The following KIF26B variants were observed in gnomAD, a reference collection of about 807,000 sequenced individuals.
The protein encoded by KIF26B is kinesin family member 26B.
In KIF26B, 63 loss-of-function variants were observed where a neutral mutation model predicts 151.2. The observed-to-expected ratio is 0.42, with a 90% CI of 0.34 to 0.51. KIF26B has a LOEUF of 0.51. Among genes scored for constraint, KIF26B ranks in the 20% least tolerant of loss-of-function variants. The pLI is 0.07. For missense variants in KIF26B, 2,813 were observed against 2,913.6 expected, an observed-to-expected ratio of 0.97 and a Z score of 0.79; for synonymous variants, 1,357 against 1,262.1, an observed-to-expected ratio of 1.08 and a Z score of -1.59.
intron 5 of KIF26B, among the ~76,000 whole-genome samples, chr1:245,559,560 C>T (rs139078373): frequency 0.029 from 4,430 of 151,994 alleles, 88 homozygotes; most frequent in South Asian, 0.05. Context: ...GACAGGCGCA[C>T]GCCCCCACAC....
chr1:245,388,169 C>G (rs1673598908), intron 3 of KIF26B, among the ~76,000 whole-genome samples: 1 of 151,912 alleles, frequency 6.6e-6, no homozygotes, highest in Non-Finnish European at 1.5e-5. Context: ...AAATTGATCT[C>G]ATTGGAGAAA....
At chr1:245,449,880 T>C (rs1159781100) in intron 4 of KIF26B, among the ~76,000 whole-genome samples, 1 of 152,258 alleles carries the variant, frequency 6.6e-6, no homozygotes, top group African/African-American at 2.4e-5. Context: ...TTTTACAGTC[T>C]GCTTGTTATC....
intron 3 of KIF26B, among the ~76,000 whole-genome samples, chr1:245,388,843 T>C (rs922068131): frequency 6.6e-6 from 1 of 152,322 alleles, no homozygotes; most frequent in South Asian, 2.1e-4. Context: ...CAAGGACTAT[T>C]TCAAGGAAAG....
At chr1:245,279,390 C>G (rs900334021) in intron 2 of KIF26B, among the ~76,000 whole-genome samples, 2 of 150,862 alleles carry the variant, frequency 1.3e-5, no homozygotes, top group Non-Finnish European at 2.9e-5. Flanking sequence ...TCACTAATGC[C>G]TTAAATTCCT....
At position 245,542,308 on chromosome 1, in the gene KIF26B, G is replaced by A. The variant is rs12069873; in HGVS notation, c.1350+1358G>A. ...TTAGAGGCTGCAGTGAGCAATGATC[G>A]TGCCACTGCACTCTAGCCTGGGCCA... is the stretch of plus-strand genomic sequence containing the variant. On this transcript the variant is annotated intron_variant, in intron 5 of 14. Coordinates refer to ENST00000407071, the MANE Select transcript of KIF26B (RefSeq NM_018012.4). 3.3e-3 allele frequency among the ~76,000 whole-genome samples: 496 copies of A among 152,368 alleles called. 2 individuals are homozygous for A. The highest frequency in any genetic ancestry group is 0.011 in the African/African-American group (452 of 41,594).
intron 9 of KIF26B, among the ~76,000 whole-genome samples, chr1:245,628,991 C>A (rs751192552): frequency 2.0e-5 from 3 of 152,164 alleles, no homozygotes; most frequent in Non-Finnish European, 4.4e-5. Context: ...AATGAACTCC[C>A]ATTCACCATC....
rs970959425 is a variant in KIF26B at position 245,193,980 on chromosome 1, T to C, written c.465+37297T>C. ...GACATGGACGCCAGAAAGTTTCTTT[T>C]TGCTGCTGACTGATCATTTATGAAC... On this transcript the variant is annotated intron_variant, in intron 2 of 14. Transcript: ENST00000407071. 3.3e-5 allele frequency among the ~76,000 whole-genome samples: 5 copies of C among 152,348 alleles called. No homozygotes were observed. The South Asian group carries it at 6.2e-4, about 19-fold the overall frequency.
At chr1:245,670,674 A>G (rs1347614753) in intron 10 of KIF26B, among the ~76,000 whole-genome samples, 2 of 152,170 alleles carry the variant, frequency 1.3e-5, no homozygotes, top group African/African-American at 2.4e-5. Flanking sequence ...TGTAAATATA[A>G]TGGAATATAC....
intron 2 of KIF26B, among the ~76,000 whole-genome samples, chr1:245,331,421 A>G (rs1274814959): frequency 2.0e-5 from 3 of 152,234 alleles, no homozygotes; most frequent in African/African-American, 7.2e-5. Context: ...GCAGTCGTCC[A>G]AGACTTTAAA....
At chr1:245,290,165 C>T (rs1451000447) in intron 2 of KIF26B, among the ~76,000 whole-genome samples, 1 of 137,182 alleles carries the variant, frequency 7.3e-6, no homozygotes, top group Non-Finnish European at 1.5e-5. Flanking sequence ...GGTGCTTAAT[C>T]AAACCTTTAT....
At chr1:245,576,873 G>A (rs890442937) in intron 5 of KIF26B, among the ~76,000 whole-genome samples, 3 of 152,098 alleles carry the variant, frequency 2.0e-5, no homozygotes, top group Admixed American at 6.5e-5. Context: ...TGAATGCCTT[G>A]TTGGATACCT....
chr1:245,464,867 G>A (rs764091487), intron 4 of KIF26B, among the ~76,000 whole-genome samples: 6 of 152,118 alleles, frequency 3.9e-5, no homozygotes, highest in Non-Finnish European at 7.4e-5. Context: ...AGTGAGCAGA[G>A]GGCAGCAGCT....
At chr1:245,311,459 C>G (rs762380780) in intron 2 of KIF26B, among the ~76,000 whole-genome samples, 1 of 151,988 alleles carries the variant, frequency 6.6e-6, no homozygotes, top group African/African-American at 2.4e-5. Context: ...TCACTGCAGC[C>G]GGGTATGGTG....
intron 3 of KIF26B, among the ~76,000 whole-genome samples, chr1:245,391,415 G>C (rs1332807820): frequency 6.6e-6 from 1 of 152,064 alleles, no homozygotes; most frequent in Non-Finnish European, 1.5e-5. Context: ...TCTTTATGAG[G>C]CTGGGTTTTC....
intron 4 of KIF26B, among the ~76,000 whole-genome samples, chr1:245,423,097 C>CAA (rs35659375): frequency 4.2e-3 from 322 of 77,494 alleles, no homozygotes; most frequent in African/African-American, 6.9e-3. Context: ...GACTCAGTCT[C>CAA]AAAAAAAAAA....
intron 9 of KIF26B, among the ~76,000 whole-genome samples, chr1:245,628,676 T>A (rs569089935): frequency 6.6e-6 from 1 of 152,252 alleles, no homozygotes; most frequent in Admixed American, 6.5e-5. Flanking sequence ...AAGCATTCCC[T>A]TTGAAAACCA....
chr1:245,176,339 G>A (rs1668809243), intron 2 of KIF26B, among the ~76,000 whole-genome samples: 1 of 152,140 alleles, frequency 6.6e-6, no homozygotes, highest in Non-Finnish European at 1.5e-5. Context: ...ATTTGTTTAG[G>A]GAAAAGTAGT....
In KIF26B at chr1:245,553,314, GTCTC is replaced by G. The variant is rs1211002351; in HGVS notation, c.1350+12368_1350+12371del. Among the ~76,000 whole-genome samples, 5 of 152,186 alleles carry G rather than the reference GTCTC, an allele frequency of 3.3e-5. No homozygotes were observed. The East Asian group carries it at 9.7e-4, about 29-fold the overall frequency. ...GTCCTCTGGATGGCTGCATGAGACT[GTCTC>G]TCTATAGGCACCTTATGTGGTCATT... is the stretch of plus-strand genomic sequence containing the variant. On this transcript the variant is annotated intron_variant, in intron 5 of 14. Transcript: ENST00000407071.
At chr1:245,452,232 G>A (rs1272654810) in intron 4 of KIF26B, among the ~76,000 whole-genome samples, 1 of 152,144 alleles carries the variant, frequency 6.6e-6, no homozygotes, top group Non-Finnish European at 1.5e-5. Flanking sequence ...ATATTTTCAA[G>A]GTTTATCCAT....
Sources: gnomAD v4.1 joint callset for allele counts (sites outside exome capture counted in the v4.1 genomes callset) on GRCh38, gnomAD v4.1.1 for gene constraint, MANE v1.5 for transcripts, NCBI Gene and HGNC (gene_info 2026-07-23, HGNC 2026-07-21) for gene names.